The following TPCN2 variants were observed in gnomAD, a reference collection of about 807,000 sequenced individuals.
TPCN2 encodes two pore segment channel 2, also known as two pore channel protein 2.
Under a neutral mutation model 111.4 loss-of-function variants are expected in TPCN2, and 92 were observed. The observed-to-expected ratio is 0.83, with a 90% CI of 0.70 to 0.98. TPCN2 has a LOEUF of 0.98. Ranked by LOEUF, TPCN2 falls within the 50% of genes least tolerant of loss-of-function variation. The pLI is 0.00. For synonymous variants in TPCN2, 405 were observed against 414.5 expected (o/e 0.98, Z 0.28); for missense variants, 995 against 980.1 (o/e 1.02, Z -0.20).
At chr11:69,072,171 C>T in intron 11 of TPCN2, 148 bp downstream of exon 11, 1 of 673,330 alleles carries the variant, frequency 1.5e-6, no homozygotes, top group Non-Finnish European at 2.5e-6. Context: ...CACCATGTCC[C>T]TGGCGCTCTG....
At position 69,056,819 on chromosome 11, in the gene TPCN2, C is replaced by A. The variant is rs28558627; in HGVS notation, c.430-759C>A. Among the ~76,000 whole-genome samples, 1,455 of 151,534 alleles carry A rather than the reference C, an allele frequency of 9.6e-3. 21 individuals are homozygous for A. Among genetic ancestry groups the A allele is most frequent in the African/African-American group, 0.034 (1,399 of 41,280 alleles). On this transcript the variant is annotated intron_variant, in intron 4 of 24. Transcript: ENST00000294309. Reference sequence around the variant, plus strand: ...GTGCTGGGATTACAGGTGTGAGCCACTGTGCCCGGCCGTCTTTTATTTATT... The same window carrying A: ...GTGCTGGGATTACAGGTGTGAGCCAATGTGCCCGGCCGTCTTTTATTTATT...
At chr11:69,080,872 G>C (rs1235452890) in intron 17 of TPCN2, among the ~76,000 whole-genome samples, 1 of 152,170 alleles carries the variant, frequency 6.6e-6, no homozygotes, top group Non-Finnish European at 1.5e-5. Context: ...ATGGGTTTGA[G>C]TTTCAACAGA....
At chr11:69,062,816 CT>C in intron 5 of TPCN2, 67 bp from the exon 6 acceptor site, 8 of 1,474,806 alleles carry the variant, frequency 5.4e-6, no homozygotes, top group Non-Finnish European at 7.6e-6. Context: ...GTGTGCCCAT[CT>C]GGGATGGTCG....
chr11:69,072,456 G>T (rs1216128763), intron 11 of TPCN2, among the ~76,000 whole-genome samples, 171 bp from the exon 12 acceptor site: 1 of 152,004 alleles, frequency 6.6e-6, no homozygotes, highest in Admixed American at 6.5e-5. Flanking sequence ...GCGCCTTCTC[G>T]GGGGGACGGC....
At position 69,085,878 on chromosome 11, in the gene TPCN2, G is replaced by A. The variant is rs771649050; in HGVS notation, c.1951G>A (p.Val651Met). 1.9e-6 allele frequency: 3 copies of A among 1,614,192 alleles called. No homozygotes were observed. Among genetic ancestry groups the A allele is most frequent in the Non-Finnish European group, 8.5e-7 (1 of 1,180,012 alleles). ...CCTGGTCACTCTGTGGAACTTGATG[G>A]TGGTGAACAACTGGCAGGTGTTTCT... The part of the protein sequence containing the change: ...AALVTLWNLM[V>M]VNNWQVFLDA... The change falls in exon 22 of 25, where the codon GTG becomes ATG. Residue 651 changes from valine to methionine, a missense_variant. Val to Met is a conservative substitution (Grantham distance 21, BLOSUM62 1). Coordinates refer to ENST00000294309, the MANE Select transcript of TPCN2 (RefSeq NM_139075.4).
intron 21 of TPCN2, 23 bp from the exon 22 acceptor site, chr11:69,085,825 A>G (rs1200862203): frequency 6.2e-7 from 1 of 1,613,816 alleles, no homozygotes; most frequent in Non-Finnish European, 8.5e-7. Flanking sequence ...GCCCTCCTGG[A>G]CCGCTGGTCT....
Position 69,054,085 on chromosome 11 carries a change from A to G in TPCN2, c.162A>G (p.Glu54=). 1 of 1,613,448 alleles carries G rather than the reference A, an allele frequency of 6.2e-7. No homozygotes were observed. The change falls in exon 2 of 25, where the codon GAA becomes GAG. Residue 54 remains glutamate, a synonymous_variant. Coordinates refer to ENST00000294309, the MANE Select transcript of TPCN2 (RefSeq NM_139075.4). The part of the protein sequence containing the change: ...LCIDQAVVFI[E]DAIQYRSINH... ...TTGATCAGGCTGTGGTCTTCATCGA[A>G]GATGCTATTCAGGTCGGTGGCACCT...
At chr11:69,086,728 C>CG in intron 23 of TPCN2, 124 bp downstream of exon 23, 2 of 933,432 alleles carry the variant, frequency 2.1e-6, no homozygotes, top group Non-Finnish European at 3.4e-6. Context: ...CTGGGTTAGG[C>CG]GGGTCCTGAG....
chr11:69,049,973 T>G (rs72917317), intron 1 of TPCN2, among the ~76,000 whole-genome samples: 13,433 of 152,222 alleles, frequency 0.088, 989 homozygotes, highest in Non-Finnish European at 0.12. Flanking sequence ...CTCGAACCAC[T>G]CTGAGAATTC....
At chr11:69,071,123 A>T (rs996982477) in intron 9 of TPCN2, among the ~76,000 whole-genome samples, 5 of 126,656 alleles carry the variant, frequency 3.9e-5, no homozygotes, top group East Asian at 2.3e-4. Flanking sequence ...CAACAGCTTC[A>T]CCCCAGGGAT....
chr11:69,057,535 C>T (rs1034957111), intron 4 of TPCN2, 43 bp from the exon 5 acceptor site: 9 of 1,558,686 alleles, frequency 5.8e-6, no homozygotes, highest in African/African-American at 1.4e-5. Context: ...GCAGGGCCAG[C>T]GTGTGGGGCT....
chr11:69,078,678 G>T, intron 14 of TPCN2, 56 bp from the exon 15 acceptor site: 7 of 1,613,396 alleles, frequency 4.3e-6, no homozygotes, highest in East Asian at 2.2e-5. Flanking sequence ...TGCCCCTCCT[G>T]CCTCGCCCAG....
At chr11:69,052,195 C>G (rs557377172) in intron 1 of TPCN2, among the ~76,000 whole-genome samples, 1 of 152,054 alleles carries the variant, frequency 6.6e-6, no homozygotes, top group Non-Finnish European at 1.5e-5. Context: ...GAGTGAGGCC[C>G]GGAACTCGGC....
intron 13 of TPCN2, among the ~76,000 whole-genome samples, chr11:69,075,069 C>G (rs996035332): frequency 2.6e-5 from 4 of 152,160 alleles, no homozygotes; most frequent in African/African-American, 9.7e-5. Flanking sequence ...TGGGGAAGGC[C>G]CAACACGCAG....
At chr11:69,084,565 T>C (rs1017779723) in intron 19 of TPCN2, 3 of 985,186 alleles carry the variant, frequency 3.0e-6, no homozygotes, top group African/African-American at 3.5e-5. Flanking sequence ...GAGAGGGGCC[T>C]GTGACCAGGC....
Position 69,063,875 on chromosome 11 carries a change from AG to A in TPCN2, c.654-19del. Reference sequence around the variant, plus strand: ...CCTGCCCGCCGCCTGGCCCAGGCTGAGTGCCGTGCTCTCCCCCAGCGTCGGG... The same window carrying A: ...CCTGCCCGCCGCCTGGCCCAGGCTGATGCCGTGCTCTCCCCCAGCGTCGGG... On this transcript the variant is annotated intron_variant, in intron 6 of 24. Coordinates refer to ENST00000294309, the MANE Select transcript of TPCN2 (RefSeq NM_139075.4). The A allele has an allele frequency of 6.2e-7, 1 of 1,612,784 alleles. No homozygotes were observed. The highest frequency in any genetic ancestry group is 8.5e-7 in the Non-Finnish European group (1 of 1,179,576).
intron 17 of TPCN2, among the ~76,000 whole-genome samples, chr11:69,080,451 G>C (rs561060122): frequency 4.8e-4 from 73 of 152,370 alleles, no homozygotes; most frequent in Non-Finnish European, 8.1e-4. Context: ...CCTGGGCAGG[G>C]ACCCTGGAGC....
chr11:69,060,633 A>G (rs937231181), intron 5 of TPCN2, among the ~76,000 whole-genome samples: 21 of 152,106 alleles, frequency 1.4e-4, no homozygotes, highest in African/African-American at 5.1e-4. Context: ...TCCCGTCCTT[A>G]TAGAGGCCTC....
chr11:69,083,431 C>T (rs764144459), intron 18 of TPCN2, among the ~76,000 whole-genome samples: 5 of 152,184 alleles, frequency 3.3e-5, no homozygotes, highest in Non-Finnish European at 7.4e-5. Context: ...TGAGGAGGAG[C>T]GGCTCTTTGG....
Sources: gnomAD v4.1 joint callset for allele counts (sites outside exome capture counted in the v4.1 genomes callset) on GRCh38, gnomAD v4.1.1 for gene constraint, MANE v1.5 for transcripts, NCBI Gene and HGNC (gene_info 2026-07-23, HGNC 2026-07-21) for gene names.